NTRK3: variants seen among roughly 807,000 people sequenced by gnomAD.
NTRK3 encodes the protein neurotrophic receptor tyrosine kinase 3.
Under a neutral mutation model 91.7 loss-of-function variants are expected in NTRK3, and 24 were observed. The observed-to-expected ratio is 0.26, with a 90% CI of 0.19 to 0.37. NTRK3 has a LOEUF of 0.37. NTRK3 is among the 10% of genes least tolerant of loss of function. The pLI is 1.00. For missense variants in NTRK3, 880 were observed against 1,068.9 expected (o/e 0.82, Z 2.46); for synonymous variants, 483 against 404.0 (o/e 1.20, Z -2.34).
intron 3 of NTRK3, among the ~76,000 whole-genome samples, chr15:88,218,016 G>C (rs1055713752): frequency 6.6e-6 from 1 of 152,094 alleles, no homozygotes; most frequent in East Asian, 1.9e-4. Flanking sequence ...CGCCTCTGGG[G>C]GTCGCTGTCT....
intron 3 of NTRK3, among the ~76,000 whole-genome samples, chr15:88,253,768 A>T (rs765009368): frequency 2.6e-5 from 4 of 152,090 alleles, no homozygotes; most frequent in Non-Finnish European, 4.4e-5. Flanking sequence ...ACACACACAG[A>T]GGGGCTCCAG....
exon 19 of NTRK3, chr15:87,876,759 G>GT (rs369549532): frequency 1.9e-3 from 1,077 of 554,006 alleles, no homozygotes; most frequent in Non-Finnish European, 2.2e-3. Flanking sequence ...GCCTTACAGG[G>GT]TTTTTTTTTC....
At chr15:88,180,150 T>C (rs973382597) in intron 5 of NTRK3, among the ~76,000 whole-genome samples, 5 of 152,186 alleles carry the variant, frequency 3.3e-5, no homozygotes, top group Admixed American at 1.3e-4. Flanking sequence ...TCGTTTAATC[T>C]TGACCACATC....
chr15:88,133,445 C>T (rs2041578715), intron 10 of NTRK3, among the ~76,000 whole-genome samples: 1 of 152,124 alleles, frequency 6.6e-6, no homozygotes, highest in Non-Finnish European at 1.5e-5. Context: ...TCTAGGGTTC[C>T]CCCCTCCCTA....
chr15:87,923,454 C>T (rs2068041335), intron 17 of NTRK3, among the ~76,000 whole-genome samples: 1 of 152,180 alleles, frequency 6.6e-6, no homozygotes, highest in Admixed American at 6.5e-5. Flanking sequence ...AAGGGTAGAG[C>T]TCCATGAGCC....
chr15:87,941,103 A>G (rs1273944381), intron 14 of NTRK3, among the ~76,000 whole-genome samples: 1 of 152,112 alleles, frequency 6.6e-6, no homozygotes, highest in African/African-American at 2.4e-5. Context: ...GTGCACATGA[A>G]TCCCCTGGGA....
At position 87,991,762 on chromosome 15, in the gene NTRK3, G is replaced by A. The variant is rs576610934; in HGVS notation, c.1585+41095C>T. Among the ~76,000 whole-genome samples, 3 of 152,172 alleles carry A rather than the reference G, an allele frequency of 2.0e-5. No homozygotes were observed. In the East Asian group the frequency reaches 5.8e-4, roughly 29 times the overall value. On this transcript the variant is annotated intron_variant, in intron 14 of 18. Coordinates refer to ENST00000394480, the Ensembl canonical transcript of NTRK3. ...AATGATTTGTTTTGGAATATCTCAT[G>A]AACACATTCTTTAATTTAGATCCCC...
rs963639563 is a variant in NTRK3, at chr15:87,929,068, A to C, written c.2133+123T>G. ...AGGCCAAAAGATAACTGTTGAGTGCATGTCTGGGCATGGGTGTGTATATGT... is the reference window on the plus strand; with the variant it reads ...AGGCCAAAAGATAACTGTTGAGTGCCTGTCTGGGCATGGGTGTGTATATGT... On this transcript the variant is annotated intron_variant, in intron 17 of 18. Transcript: ENST00000394480. The C allele has an allele frequency of 5.6e-6, 8 of 1,425,394 alleles. No homozygotes were observed. In the African/African-American group the frequency reaches 9.8e-5, roughly 17 times the overall value. The allele number at this position is 1,425,394 out of a possible 1,614,324, so 88.3% of individuals were successfully genotyped here. A position where few individuals can be genotyped will look rare whatever the true frequency, so the allele number is the denominator to read the frequency against.
At chr15:88,065,005 T>C (rs112289128) in intron 13 of NTRK3, among the ~76,000 whole-genome samples, 30 of 152,314 alleles carry the variant, frequency 2.0e-4, no homozygotes, top group African/African-American at 5.1e-4. Flanking sequence ...ACATAACATA[T>C]GCTTGATAAC....
chr15:88,196,464 G>T (rs983099722), intron 3 of NTRK3, among the ~76,000 whole-genome samples: 1 of 152,208 alleles, frequency 6.6e-6, no homozygotes, highest in Non-Finnish European at 1.5e-5. Context: ...AGGGAGGCAG[G>T]CCCCAGGGCC....
intron 13 of NTRK3, among the ~76,000 whole-genome samples, chr15:88,090,916 C>T (rs1567379030): frequency 2.0e-5 from 3 of 152,214 alleles, no homozygotes; most frequent in Non-Finnish European, 4.4e-5. Flanking sequence ...CCTCTGGGAA[C>T]CTGGTGCACG....
intron 14 of NTRK3, among the ~76,000 whole-genome samples, chr15:87,944,389 G>C (rs138767304): frequency 0.013 from 1,965 of 152,306 alleles, 45 homozygotes; most frequent in African/African-American, 0.045. Context: ...TAACTTGCAC[G>C]CTATGTATTC....
At chr15:88,001,664 T>C (rs1167258831) in intron 14 of NTRK3, among the ~76,000 whole-genome samples, 2 of 152,178 alleles carry the variant, frequency 1.3e-5, no homozygotes, top group African/African-American at 4.8e-5. Context: ...TACAAGTCTA[T>C]TTCTGGACTC....
intron 13 of NTRK3, among the ~76,000 whole-genome samples, chr15:88,048,004 T>G (rs2080403441): frequency 6.6e-6 from 1 of 152,240 alleles, no homozygotes; most frequent in African/African-American, 2.4e-5. Flanking sequence ...TAAACTCCCT[T>G]TGAGGCAGTC....
intron 15 of NTRK3, among the ~76,000 whole-genome samples, chr15:87,934,627 C>A (rs1313925764): frequency 6.6e-6 from 1 of 152,160 alleles, no homozygotes; most frequent in Admixed American, 6.5e-5. Flanking sequence ...TTAGCACACA[C>A]CAGAAATGAT....
intron 6 of NTRK3, among the ~76,000 whole-genome samples, chr15:88,140,870 C>T (rs577122606): frequency 6.6e-6 from 1 of 152,218 alleles, no homozygotes; most frequent in Non-Finnish European, 1.5e-5. Context: ...GTGGGAAAAA[C>T]TGGAGAGAGG....
At chr15:88,106,563 T>C (rs1190430325) in intron 13 of NTRK3, among the ~76,000 whole-genome samples, 1 of 151,390 alleles carries the variant, frequency 6.6e-6, no homozygotes, top group East Asian at 1.9e-4. Flanking sequence ...TAAGAAAGAG[T>C]GTTGTGTGAA....
At chr15:88,125,160 T>C (rs913811008) in intron 13 of NTRK3, among the ~76,000 whole-genome samples, 18 of 152,218 alleles carry the variant, frequency 1.2e-4, no homozygotes, top group African/African-American at 4.1e-4. Context: ...GGTATTTCCC[T>C]ATATATCAGT....
chr15:88,053,822 T>C (rs2045444966), intron 13 of NTRK3, among the ~76,000 whole-genome samples: 2 of 152,216 alleles, frequency 1.3e-5, no homozygotes, highest in African/African-American at 4.8e-5. Context: ...ACAAATACCT[T>C]ATCAAAATGA....
Sources: allele counts gnomAD v4.1 joint callset (sites outside exome capture counted in the v4.1 genomes callset), GRCh38; gene constraint gnomAD v4.1.1; transcripts MANE v1.5; gene names NCBI Gene and HGNC (gene_info 2026-07-23, HGNC 2026-07-21).